Variants in TTC7B observed in about 807,000 individuals in gnomAD.
The protein encoded by TTC7B is tetratricopeptide repeat domain 7B.
Under a neutral mutation model 106.8 loss-of-function variants are expected in TTC7B, and 28 were observed. That is an observed-to-expected ratio of 0.26 (90% CI 0.19 to 0.36). The LOEUF (loss-of-function observed/expected upper bound fraction) is 0.36, where lower values mean the gene tolerates loss of function less well. Ranked by LOEUF, TTC7B falls within the 10% of genes least tolerant of loss-of-function variation. TTC7B has a pLI of 1.00. For synonymous variants in TTC7B, 405 were observed against 430.6 expected (o/e 0.94, Z 0.74); for missense variants, 862 against 1,076.4 (o/e 0.80, Z 2.79).
At chr14:90,720,512 C>T (rs1037913693) in intron 5 of TTC7B, among the ~76,000 whole-genome samples, 3 of 152,130 alleles carry the variant, frequency 2.0e-5, no homozygotes, top group Non-Finnish European at 4.4e-5. Flanking sequence ...AAACCAACAG[C>T]GGAGGGCAGT....
At chr14:90,801,002 C>T (rs2030231289) in intron 1 of TTC7B, among the ~76,000 whole-genome samples, 1 of 151,804 alleles carries the variant, frequency 6.6e-6, no homozygotes, top group South Asian at 2.1e-4. Flanking sequence ...GCTATACGGT[C>T]CTTGAGAGGA....
intron 5 of TTC7B, among the ~76,000 whole-genome samples, chr14:90,706,746 C>T (rs1284011525): frequency 6.6e-6 from 1 of 152,170 alleles, no homozygotes; most frequent in Non-Finnish European, 1.5e-5. Context: ...TCATCTTATA[C>T]ATTTCCTGCC....
intron 1 of TTC7B, among the ~76,000 whole-genome samples, chr14:90,795,875 C>G (rs557318199): frequency 6.6e-6 from 1 of 152,110 alleles, no homozygotes; most frequent in Non-Finnish European, 1.5e-5. Flanking sequence ...TGAGCTCATA[C>G]GAAGTGCCAT....
At chr14:90,605,026 T>C (rs1566793862) in intron 17 of TTC7B, among the ~76,000 whole-genome samples, 1 of 152,162 alleles carries the variant, frequency 6.6e-6, no homozygotes, top group Admixed American at 6.5e-5. Flanking sequence ...AGGGGAGCAA[T>C]TTATAAATCC....
chr14:90,585,174 T>C (rs1268817482), intron 18 of TTC7B, among the ~76,000 whole-genome samples: 1 of 152,152 alleles, frequency 6.6e-6, no homozygotes. Context: ...CAGCCAAATG[T>C]CTTTGCCAGG....
intron 5 of TTC7B, among the ~76,000 whole-genome samples, chr14:90,703,554 G>GA (rs1279814883): frequency 4.0e-5 from 6 of 151,624 alleles, no homozygotes; most frequent in African/African-American, 9.7e-5. Flanking sequence ...AGAACAGTGA[G>GA]AAAAAAATCC....
rs114725020 is a variant in TTC7B, at chr14:90,649,169, C to G, written c.1518-2146G>C. 2.6e-3 allele frequency among the ~76,000 whole-genome samples: 393 copies of G among 152,368 alleles called. 1 individual carries two copies. Among genetic ancestry groups the G allele is most frequent in the African/African-American group, 9.2e-3 (383 of 41,576 alleles). ...AGGGCAACATCTGAAGGATTTCCAACTTGGCTAATGATGCATATTCAACTG... is the reference window on the plus strand; with the variant it reads ...AGGGCAACATCTGAAGGATTTCCAAGTTGGCTAATGATGCATATTCAACTG... On this transcript the variant is annotated intron_variant, in intron 13 of 19. Coordinates refer to ENST00000328459, the MANE Select transcript of TTC7B (RefSeq NM_001010854.2).
At position 90,527,174 on chromosome 14, in the gene TTC7B, G is replaced by T. The variant is rs564761557; in HGVS notation, c.*14194C>A. The T allele has an allele frequency of 1.3e-5, 2 of 152,026 alleles. No individual in the cohort carries two copies. Among genetic ancestry groups the T allele is most frequent in the South Asian group, 4.2e-4 (2 of 4,756 alleles). 9.4% of individuals were successfully genotyped at this position (152,026 alleles called of 1,614,324 possible). On this transcript the variant is annotated 3_prime_UTR_variant, in exon 20 of 20. Coordinates refer to ENST00000328459, the MANE Select transcript of TTC7B (RefSeq NM_001010854.2). The stretch of plus-strand genomic sequence containing the variant: ...CCTGCTCACCCCATCATATCTGGGG[G>T]TACCTGGTATTCACACGACTCATCA...
At chr14:90,816,102 C>G (rs2031169341) in intron 1 of TTC7B, 73 bp downstream of exon 1, 1 of 975,310 alleles carries the variant, frequency 1.0e-6, no homozygotes, top group Admixed American at 6.4e-5. Context: ...CGCGCCCGGC[C>G]GCGCCTCGGG....
In TTC7B at chr14:90,570,752, G is replaced by A. The variant is rs971500090; in HGVS notation, c.2310+7354C>T. On this transcript the variant is annotated intron_variant, in intron 19 of 19. Transcript: ENST00000328459. The surrounding 1 kb of genome is among the most constrained non-coding windows in gnomAD (Gnocchi z 4.0). Reference sequence around the variant, plus strand: ...GACCTGGATTACAGAGAATGACAGCGACACTCAGAGCTGATATTTGCGGAG... The same window carrying A: ...GACCTGGATTACAGAGAATGACAGCAACACTCAGAGCTGATATTTGCGGAG... 1.3e-5 allele frequency among the ~76,000 whole-genome samples: 2 copies of A among 152,204 alleles called. No homozygotes were observed. Among genetic ancestry groups the A allele is most frequent in the Non-Finnish European group, 2.9e-5 (2 of 68,042 alleles).
Position 90,662,703 on chromosome 14 carries a change from C to T in TTC7B, c.1153-4316G>A, listed in dbSNP as rs534753236. Among the ~76,000 whole-genome samples the T allele has an allele frequency of 2.0e-5, 3 of 152,284 alleles. No homozygotes were observed. In the South Asian group the frequency reaches 6.2e-4, roughly 32 times the overall value. On this transcript the variant is annotated intron_variant, in intron 9 of 19. Transcript: ENST00000328459. ...TGACAGTAATTAATGCAGAGAGTTA[C>T]TAAGATTAAATTAGTTACTACATAC...
At position 90,793,581 on chromosome 14, in the gene TTC7B, TTTTG is replaced by T. The variant is rs200675363; in HGVS notation, c.122-7257_122-7254del. Among the ~76,000 whole-genome samples the T allele has an allele frequency of 1.5e-3, 229 of 150,342 alleles. 1 individual carries two copies. Among genetic ancestry groups the T allele is most frequent in the African/African-American group, 4.9e-3 (203 of 41,324 alleles). On this transcript the variant is annotated intron_variant, in intron 1 of 19. Transcript: ENST00000328459. The stretch of plus-strand genomic sequence containing the variant: ...TAAATTACCCAGTCTCAGGTATTTC[TTTTG>T]TTTGTTTGTTTGTTTTTTTCTTTTT...
At chr14:90,622,432 A>T (rs1455355925) in intron 15 of TTC7B, among the ~76,000 whole-genome samples, 2 of 151,732 alleles carry the variant, frequency 1.3e-5, no homozygotes, top group Non-Finnish European at 2.9e-5. Context: ...AATCTAATTT[A>T]AAAAATTTAT....
At chr14:90,545,430 C>T (rs1889788495) in intron 19 of TTC7B, among the ~76,000 whole-genome samples, 1 of 152,250 alleles carries the variant, frequency 6.6e-6, no homozygotes, top group South Asian at 2.1e-4. Flanking sequence ...CAGCTTCCCT[C>T]TGGCTCAGAT....
intron 1 of TTC7B, among the ~76,000 whole-genome samples, chr14:90,800,141 T>C (rs2030165501): frequency 6.6e-6 from 1 of 152,038 alleles, no homozygotes; most frequent in Admixed American, 6.6e-5. Context: ...CTGATCTAAG[T>C]TTTTAAAAGA....
Position 90,708,871 on chromosome 14 carries a change from T to C in TTC7B, c.699-13293A>G, listed in dbSNP as rs939646715. 7.9e-5 allele frequency among the ~76,000 whole-genome samples: 12 copies of C among 151,646 alleles called. No individual in the cohort carries two copies. In the South Asian group the frequency reaches 1.2e-3, roughly 16 times the overall value. On this transcript the variant is annotated intron_variant, in intron 5 of 19. Transcript: ENST00000328459. ...ACAAACAACCCCATCAAAAAGTGGG[T>C]GAAGGATATGAACAGACACTTCTCA...
chr14:90,658,722 T>A (rs1407300492), intron 9 of TTC7B, among the ~76,000 whole-genome samples: 1 of 152,132 alleles, frequency 6.6e-6, no homozygotes, highest in East Asian at 1.9e-4. Flanking sequence ...GAAACAGGAC[T>A]GTGGTGAGGT....
intron 4 of TTC7B, among the ~76,000 whole-genome samples, chr14:90,738,586 G>A (rs1480910228): frequency 1.3e-5 from 2 of 151,192 alleles, no homozygotes; most frequent in African/African-American, 4.9e-5. Flanking sequence ...AAGTCTGGGA[G>A]ACAAGAGCAA....
At chr14:90,635,200 C>T (rs1234489606) in intron 15 of TTC7B, among the ~76,000 whole-genome samples, 1 of 151,846 alleles carries the variant, frequency 6.6e-6, no homozygotes, top group Admixed American at 6.6e-5. Flanking sequence ...GCAATAGACC[C>T]TCACTAAAAT....
Sources: allele counts gnomAD v4.1 joint callset (sites outside exome capture counted in the v4.1 genomes callset), GRCh38; gene constraint gnomAD v4.1.1; non-coding constraint Gnocchi (gnomAD v3.1); transcripts MANE v1.5; gene names NCBI Gene and HGNC (gene_info 2026-07-23, HGNC 2026-07-21).